ARHGAP22: variants seen among roughly 807,000 people sequenced by gnomAD.
ARHGAP22 encodes Rho GTPase activating protein 22, also known as rho GTPase-activating protein 22.
A neutral mutation model predicts 59.1 loss-of-function variants in ARHGAP22; 48 were observed. The observed-to-expected ratio is 0.81, with a 90% CI of 0.64 to 1.03. The LOEUF (loss-of-function observed/expected upper bound fraction) is 1.03. Among genes scored for constraint, ARHGAP22 ranks in the 50% least tolerant of loss-of-function variants. The pLI is 0.00. For synonymous variants in ARHGAP22, 445 were observed against 416.4 expected, an observed-to-expected ratio of 1.07 and a Z score of -0.84; for missense variants, 1,015 against 958.7, an observed-to-expected ratio of 1.06 and a Z score of -0.78.
At chr10:48,451,219 G>A (rs1476248478) in intron 8 of ARHGAP22, 79 bp from the exon 9 acceptor site, 8 of 1,535,602 alleles carry the variant, frequency 5.2e-6, no homozygotes, top group Non-Finnish European at 7.1e-6. Context: ...TGGAGAAGCT[G>A]CAGCTTCGTG....
intron 3 of ARHGAP22, among the ~76,000 whole-genome samples, chr10:48,543,833 A>AT (rs1313925018): frequency 1.3e-5 from 2 of 152,200 alleles, no homozygotes; most frequent in African/African-American, 4.8e-5. Flanking sequence ...TGAAAAAAAA[A>AT]GAGAGAGGCT....
At chr10:48,595,772 G>A (rs975129025) in intron 1 of ARHGAP22, among the ~76,000 whole-genome samples, 5 of 152,076 alleles carry the variant, frequency 3.3e-5, no homozygotes, top group Non-Finnish European at 5.9e-5. Context: ...CTCCTGCCTC[G>A]GCTTCTGGAA....
intron 3 of ARHGAP22, among the ~76,000 whole-genome samples, chr10:48,531,262 A>G (rs34774310): frequency 0.69 from 105,061 of 151,964 alleles, 37,642 homozygotes; most frequent in Middle Eastern, 0.78. Context: ...GACTTTGGGG[A>G]ATTGGGGGAA....
intron 3 of ARHGAP22, chr10:48,524,087 G>A (rs892431787): frequency 1.4e-6 from 2 of 1,459,754 alleles, no homozygotes; most frequent in African/African-American, 2.9e-5. Flanking sequence ...TCCAGTCCTT[G>A]CAGCAGCACA....
chr10:48,563,642 C>G (rs568192069), intron 2 of ARHGAP22, among the ~76,000 whole-genome samples: 1 of 152,292 alleles, frequency 6.6e-6, no homozygotes, highest in Non-Finnish European at 1.5e-5. Flanking sequence ...CTACCTTATA[C>G]TACAGTAGAC....
chr10:48,655,080 T>G (rs371470746), upstream of ARHGAP22, among the ~76,000 whole-genome samples: 1 of 54,178 alleles, frequency 1.8e-5, no homozygotes, highest in African/African-American at 7.3e-5. Context: ...TTCTCTTCTC[T>G]TCTCTTCTCT....
intron 1 of ARHGAP22, among the ~76,000 whole-genome samples, chr10:48,622,859 T>G (rs1287724106): frequency 2.0e-5 from 3 of 152,206 alleles, no homozygotes; most frequent in Non-Finnish European, 4.4e-5. Context: ...AACAGATAAC[T>G]GGAGAAGCAG....
intron 2 of ARHGAP22, among the ~76,000 whole-genome samples, chr10:48,577,009 G>C (rs2058758391): frequency 6.6e-6 from 1 of 151,168 alleles, no homozygotes; most frequent in African/African-American, 2.4e-5. Flanking sequence ...TCCCATCCTG[G>C]GGAGTTTATT....
chr10:48,498,966 C>A (rs1218367374), intron 3 of ARHGAP22, among the ~76,000 whole-genome samples: 2 of 151,892 alleles, frequency 1.3e-5, no homozygotes, highest in East Asian at 3.9e-4. Context: ...GAGAAAGGCT[C>A]CCTCCTGTCT....
intron 1 of ARHGAP22, among the ~76,000 whole-genome samples, chr10:48,587,940 G>T (rs2059527758): frequency 6.6e-6 from 1 of 152,220 alleles, no homozygotes; most frequent in African/African-American, 2.4e-5. Flanking sequence ...TCTGTGAGGT[G>T]CTCTCTGTCC....
chr10:48,506,520 A>AT (rs1423411468), intron 3 of ARHGAP22, among the ~76,000 whole-genome samples: 1 of 152,206 alleles, frequency 6.6e-6, no homozygotes, highest in Non-Finnish European at 1.5e-5. Context: ...TGACTGTACT[A>AT]TTTTCATAAG....
intron 1 of ARHGAP22, among the ~76,000 whole-genome samples, chr10:48,637,903 CT>C (rs1478228591): frequency 6.6e-6 from 1 of 152,226 alleles, no homozygotes; most frequent in African/African-American, 2.4e-5. Flanking sequence ...CTTTCTCCCC[CT>C]TTTCCACATG....
intron 5 of ARHGAP22, 109 bp downstream of exon 5, chr10:48,459,575 C>G: frequency 7.8e-7 from 1 of 1,280,742 alleles, no homozygotes; most frequent in Non-Finnish European, 1.1e-6. Flanking sequence ...GGCTGGCCCA[C>G]CATCCTGTCG....
intron 1 of ARHGAP22, among the ~76,000 whole-genome samples, chr10:48,634,958 G>A (rs1277035894): frequency 6.6e-6 from 1 of 152,126 alleles, no homozygotes; most frequent in Admixed American, 6.5e-5. Context: ...AAGGAGAGAG[G>A]AGAAAGAAGC....
At chr10:48,519,383 G>T (rs1298856793) in intron 3 of ARHGAP22, among the ~76,000 whole-genome samples, 1 of 152,170 alleles carries the variant, frequency 6.6e-6, no homozygotes, top group East Asian at 1.9e-4. Context: ...ACCAGCAAAG[G>T]GGCACAGGGT....
intron 2 of ARHGAP22, among the ~76,000 whole-genome samples, chr10:48,565,425 C>T (rs562088426): frequency 1.3e-5 from 2 of 152,262 alleles, no homozygotes; most frequent in East Asian, 1.9e-4. Context: ...CCGGCTGAAC[C>T]TCCGTTTCCT....
At chr10:48,638,994 A>G (rs1339516543) in intron 1 of ARHGAP22, among the ~76,000 whole-genome samples, 1 of 152,246 alleles carries the variant, frequency 6.6e-6, no homozygotes, top group Non-Finnish European at 1.5e-5. Flanking sequence ...TTGACCAAAG[A>G]CATGCAACAA....
intron 4 of ARHGAP22, among the ~76,000 whole-genome samples, chr10:48,460,841 ATGGGTGAACC>A (rs529579004): frequency 1.9e-3 from 282 of 152,376 alleles, no homozygotes; most frequent in Middle Eastern, 6.8e-3. Context: ...GTGATAAAAT[ATGGGTGAACC>A]TGAGAACATT....
At chr10:48,546,673 T>C (rs755626524) in intron 3 of ARHGAP22, 4 of 168,528 alleles carry the variant, frequency 2.4e-5, no homozygotes, top group Non-Finnish European at 5.3e-5. Context: ...CTGAATGCTT[T>C]GAACTCTGAG....
Sources: gnomAD v4.1 joint callset for allele counts (sites outside exome capture counted in the v4.1 genomes callset) on GRCh38, gnomAD v4.1.1 for gene constraint, MANE v1.5 for transcripts, NCBI Gene and HGNC (gene_info 2026-07-23, HGNC 2026-07-21) for gene names.